Variants in ATXN1 observed in about 807,000 individuals in gnomAD.
The protein encoded by ATXN1 is ataxin-1.
In ATXN1, 8 loss-of-function variants were observed where a neutral mutation model predicts 56.4. The observed-to-expected ratio is 0.14, with a 90% CI of 0.08 to 0.26. The LOEUF (loss-of-function observed/expected upper bound fraction) is 0.26, where lower values mean the gene tolerates loss of function less well. ATXN1 is among the 10% of genes least tolerant of loss of function. ATXN1 has a pLI of 1.00. For synonymous variants in ATXN1, 514 were observed against 494.6 expected (o/e 1.04, Z -0.52); for missense variants, 987 against 1,106.5 (o/e 0.89, Z 1.53).
At chr6:16,693,814 T>C (rs1444028032) in intron 2 of ATXN1, among the ~76,000 whole-genome samples, 3 of 152,048 alleles carry the variant, frequency 2.0e-5, no homozygotes. Context: ...GCACAGAGAG[T>C]AAGTCACAGG....
chr6:16,326,077 G>A lies in ATXN1; in HGVS notation c.1917+317C>T, dbSNP rs1005437637. On this transcript the variant is annotated intron_variant, in intron 7 of 7. Coordinates refer to ENST00000436367, the MANE Select transcript of ATXN1 (RefSeq NM_001128164.2). This position sits in a 1 kb window ranked among gnomAD's most constrained non-coding sequence, Gnocchi z 6.6. ...CTAGAAGGACCTGAAGTCCAGCAGC[G>A]TTTCCTAATCAGGGTTCCTCATCTT... Among the ~76,000 whole-genome samples the A allele has an allele frequency of 3.9e-5, 6 of 152,150 alleles. No homozygotes were observed. Among genetic ancestry groups the A allele is most frequent in the Non-Finnish European group, 5.9e-5 (4 of 68,036 alleles).
At chr6:16,504,489 C>T (rs533498637) in intron 5 of ATXN1, among the ~76,000 whole-genome samples, 1 of 152,264 alleles carries the variant, frequency 6.6e-6, no homozygotes, top group African/African-American at 2.4e-5. Flanking sequence ...ATCTACAGTG[C>T]ATATTATCAT....
At chr6:16,440,406 A>T (rs1166261952) in intron 6 of ATXN1, among the ~76,000 whole-genome samples, 1 of 151,932 alleles carries the variant, frequency 6.6e-6, no homozygotes, top group Non-Finnish European at 1.5e-5. Context: ...AGTTGGATAG[A>T]GAGAGGCAAA....
intron 2 of ATXN1, among the ~76,000 whole-genome samples, chr6:16,660,859 G>A (rs7769397): frequency 0.078 from 7,454 of 96,056 alleles, 275 homozygotes; most frequent in East Asian, 0.18. Context: ...TTTTTTTTGA[G>A]ACAGAGTTTT....
intron 3 of ATXN1, among the ~76,000 whole-genome samples, chr6:16,592,908 A>G (rs1762749628): frequency 6.6e-6 from 1 of 151,418 alleles, no homozygotes; most frequent in Non-Finnish European, 1.5e-5. Flanking sequence ...TTATTCCATT[A>G]TTTTTCCCGT....
intron 4 of ATXN1, among the ~76,000 whole-genome samples, chr6:16,565,113 G>A (rs550581790): frequency 2.0e-5 from 3 of 152,288 alleles, no homozygotes; most frequent in East Asian, 3.9e-4. Context: ...TTCCCCATAT[G>A]AGCATAGTGG....
chr6:16,563,458 G>A (rs1268085190), intron 4 of ATXN1, among the ~76,000 whole-genome samples: 1 of 152,164 alleles, frequency 6.6e-6, no homozygotes, highest in Non-Finnish European at 1.5e-5. Context: ...GTCTAGGCTG[G>A]TTAGGGGGCA....
chr6:16,445,840 A>G (rs1427961151), intron 6 of ATXN1, among the ~76,000 whole-genome samples: 3 of 150,924 alleles, frequency 2.0e-5, no homozygotes, highest in African/African-American at 7.3e-5. Flanking sequence ...ATGTCCCTAC[A>G]AAGGACGTGA....
At position 16,580,586 on chromosome 6, in the gene ATXN1, G is replaced by A. The variant is rs183558388; in HGVS notation, c.-361+5194C>T. On this transcript the variant is annotated intron_variant, in intron 4 of 7. Coordinates refer to ENST00000436367, the MANE Select transcript of ATXN1 (RefSeq NM_001128164.2). ...GTTTTAAGAGTAAACACAGATGATG[G>A]AATAGTCTACCTTATTTCATGAGAG... Among the ~76,000 whole-genome samples, 184 of 152,240 alleles carry A rather than the reference G, an allele frequency of 1.2e-3. 1 individual carries two copies. The highest frequency in any genetic ancestry group is 0.011 in the Admixed American group (175 of 15,296).
chr6:16,471,592 A>G lies in ATXN1; in HGVS notation c.-161+14380T>C, dbSNP rs1760217868. Reference sequence around the variant, plus strand: ...TGACACTAGACAGCCAGTGAAATGCAAAGCAGCCATGTGCCCTGGATTAGA... The same window carrying G: ...TGACACTAGACAGCCAGTGAAATGCGAAGCAGCCATGTGCCCTGGATTAGA... On this transcript the variant is annotated intron_variant, in intron 6 of 7. Transcript: ENST00000436367. Among the ~76,000 whole-genome samples the G allele has an allele frequency of 2.0e-5, 3 of 152,306 alleles. No individual in the cohort carries two copies. In the South Asian group the frequency reaches 6.2e-4, roughly 32 times the overall value.
At position 16,610,608 on chromosome 6, in the gene ATXN1, C is replaced by T. The variant is rs1763087225; in HGVS notation, c.-488-24701G>A. Reference sequence around the variant, plus strand: ...AAAAATAAAAAAGGCATTCTTGGATCCCAAGGAGCAACAAAAACACAATGT... The same window carrying T: ...AAAAATAAAAAAGGCATTCTTGGATTCCAAGGAGCAACAAAAACACAATGT... On this transcript the variant is annotated intron_variant, in intron 3 of 7. Coordinates refer to ENST00000436367, the MANE Select transcript of ATXN1 (RefSeq NM_001128164.2). 2.0e-5 allele frequency among the ~76,000 whole-genome samples: 3 copies of T among 152,116 alleles called. No homozygotes were observed. The South Asian group carries it at 6.2e-4, about 32-fold the overall frequency.
intron 6 of ATXN1, among the ~76,000 whole-genome samples, chr6:16,348,441 T>C (rs1248524454): frequency 6.6e-6 from 1 of 151,990 alleles, no homozygotes; most frequent in Non-Finnish European, 1.5e-5. Flanking sequence ...CTCACACATA[T>C]AATCCCAGCA....
Position 16,305,119 on chromosome 6 carries a change from G to T in ATXN1, c.*1210C>A, listed in dbSNP as rs538850854. 8.5e-5 allele frequency: 13 copies of T among 152,318 alleles called. No individual in the cohort carries two copies. The highest frequency in any genetic ancestry group is 3.1e-4 in the African/African-American group (13 of 41,480). The allele number at this position is 152,318 out of a possible 1,614,324, so 9.4% of individuals were successfully genotyped here. A position where few individuals can be genotyped will look rare whatever the true frequency, so the allele number is the denominator to read the frequency against. On this transcript the variant is annotated 3_prime_UTR_variant, in exon 8 of 8. Transcript: ENST00000436367. ...AAGCAACTTAGTTTTTTTTGTTTTT[G>T]TTTTTTCCCCAAAGAGTTTAAAGTG... is the stretch of plus-strand genomic sequence containing the variant.
chr6:16,569,615 G>A (rs899430889), intron 4 of ATXN1, among the ~76,000 whole-genome samples: 3 of 151,884 alleles, frequency 2.0e-5, no homozygotes, highest in Non-Finnish European at 4.4e-5. Context: ...CAAATTACAG[G>A]GTACTCATGG....
chr6:16,310,070 TA>T (rs138431014), intron 7 of ATXN1, among the ~76,000 whole-genome samples: 15,248 of 139,156 alleles, frequency 0.11, 1,314 homozygotes, highest in African/African-American at 0.25. Context: ...GAAACTCCAT[TA>T]AAAAAAAAAA....
At chr6:16,671,923 T>C (rs1447870855) in intron 2 of ATXN1, among the ~76,000 whole-genome samples, 1 of 152,238 alleles carries the variant, frequency 6.6e-6, no homozygotes, top group Non-Finnish European at 1.5e-5. Context: ...TGATTTCATT[T>C]TAAACTAAAT....
rs1356587051 is a variant in ATXN1, at chr6:16,760,912, G to T, written c.-730+386C>A. 6.9e-6 allele frequency among the ~76,000 whole-genome samples: 1 copy of T among 145,256 alleles called. No individual in the cohort carries two copies. Among genetic ancestry groups the T allele is most frequent in the Non-Finnish European group, 1.5e-5 (1 of 65,554 alleles). ...GCCGGGGGAGCGGGGCGCCGCCGCC[G>T]CTCTCCCCGCCCGCGCCCCCCGCCC... On this transcript the variant is annotated intron_variant, in intron 1 of 7. Transcript: ENST00000436367. This position sits in a 1 kb window ranked among gnomAD's most constrained non-coding sequence, Gnocchi z 5.3.
At chr6:16,706,345 C>T (rs1301212085) in intron 2 of ATXN1, among the ~76,000 whole-genome samples, 6 of 152,174 alleles carry the variant, frequency 3.9e-5, no homozygotes, top group East Asian at 1.9e-4. Context: ...CAGAATTTGG[C>T]GCCCAATACG....
At position 16,327,747 on chromosome 6, in the gene ATXN1, G is replaced by A. The variant is rs1345284582; in HGVS notation, c.564C>T (p.Ser188=). The A allele has an allele frequency of 5.6e-6, 9 of 1,606,512 alleles. No homozygotes were observed. Among genetic ancestry groups the A allele is most frequent in the Non-Finnish European group, 6.8e-6 (8 of 1,179,092 alleles). The change falls in exon 7 of 8, where the codon AGC becomes AGT. Residue 188 remains serine, a synonymous_variant. Transcript: ENST00000436367. ...STLLANMGSL[S]QTPGHKAEQQ... Reference sequence around the variant, plus strand: ...GCTCAGCCTTGTGTCCCGGCGTCTGGCTCAGACTGCCCATGTTGGCCAGCA... The same window carrying A: ...GCTCAGCCTTGTGTCCCGGCGTCTGACTCAGACTGCCCATGTTGGCCAGCA...
Sources: gnomAD v4.1 joint callset for allele counts (sites outside exome capture counted in the v4.1 genomes callset) on GRCh38, gnomAD v4.1.1 for gene constraint, Gnocchi (gnomAD v3.1) non-coding constraint, MANE v1.5 for transcripts, NCBI Gene and HGNC (gene_info 2026-07-23, HGNC 2026-07-21) for gene names.